The following PLCB1 variants were observed in gnomAD, a reference collection of about 807,000 sequenced individuals.
PLCB1 encodes 1-phosphatidylinositol 4,5-bisphosphate phosphodiesterase beta-1.
In PLCB1, 46 loss-of-function variants were observed where a neutral mutation model predicts 161.8. The observed-to-expected ratio is 0.28, with a 90% CI of 0.22 to 0.36. The LOEUF is 0.36. Among genes scored for constraint, PLCB1 ranks in the 10% least tolerant of loss-of-function variants. The pLI is 1.00. For synonymous variants in PLCB1, 517 were observed against 503.7 expected (o/e 1.03, Z -0.35); for missense variants, 1,016 against 1,472.5 (o/e 0.69, Z 5.07).
chr20:8,509,503 T>G (rs970316764), intron 3 of PLCB1, among the ~76,000 whole-genome samples: 5 of 152,206 alleles, frequency 3.3e-5, no homozygotes, highest in African/African-American at 9.6e-5. Flanking sequence ...TTCATCAAAC[T>G]GTATTCTTCT....
At chr20:8,464,665 G>T (rs529588080) in intron 3 of PLCB1, among the ~76,000 whole-genome samples, 1 of 152,268 alleles carries the variant, frequency 6.6e-6, no homozygotes, top group East Asian at 1.9e-4. Context: ...TCATAGCTGT[G>T]TAGAGATAAC....
In PLCB1 at chr20:8,721,117, AC is replaced by A. The variant is rs1332959723; in HGVS notation, c.1514-1236del. On this transcript the variant is annotated intron_variant, in intron 14 of 31. Coordinates refer to ENST00000338037, the MANE Select transcript of PLCB1 (RefSeq NM_015192.4). Reference sequence around the variant, plus strand: ...TTTCCCCTGGAGATTTTTAAGCAATACTTTTTTCACTACTGTCATTCAGTAA... The same window carrying A: ...TTTCCCCTGGAGATTTTTAAGCAATATTTTTTCACTACTGTCATTCAGTAA... Among the ~76,000 whole-genome samples, 9 of 152,200 alleles carry A rather than the reference AC, an allele frequency of 5.9e-5. No individual in the cohort carries two copies. The East Asian group carries it at 1.7e-3, about 29-fold the overall frequency.
At chr20:8,201,407 T>G (rs1235954654) in intron 2 of PLCB1, among the ~76,000 whole-genome samples, 3 of 152,120 alleles carry the variant, frequency 2.0e-5, no homozygotes, top group Non-Finnish European at 4.4e-5. Context: ...AATTCTTATT[T>G]TAAAGCCAGA....
At chr20:8,465,423 T>C (rs1981774058) in intron 3 of PLCB1, among the ~76,000 whole-genome samples, 1 of 152,184 alleles carries the variant, frequency 6.6e-6, no homozygotes, top group Non-Finnish European at 1.5e-5. Flanking sequence ...TCCCTTCTTG[T>C]TTTCTGAAAG....
intron 2 of PLCB1, among the ~76,000 whole-genome samples, chr20:8,356,593 C>T (rs1343579855): frequency 6.6e-6 from 1 of 152,126 alleles, no homozygotes; most frequent in Non-Finnish European, 1.5e-5. Context: ...TGCCGAAAGA[C>T]ATACAGTGCT....
At chr20:8,280,199 G>A (rs529207715) in intron 2 of PLCB1, among the ~76,000 whole-genome samples, 38 of 152,136 alleles carry the variant, frequency 2.5e-4, no homozygotes, top group Middle Eastern at 6.8e-3. Context: ...AGCTGGGCTT[G>A]GTGGCAGGAG....
At chr20:8,450,710 T>G (rs1392520523) in intron 3 of PLCB1, among the ~76,000 whole-genome samples, 2 of 152,218 alleles carry the variant, frequency 1.3e-5, no homozygotes, top group Non-Finnish European at 2.9e-5. Flanking sequence ...TATCGGTGAT[T>G]GTATACTTTG....
intron 3 of PLCB1, among the ~76,000 whole-genome samples, chr20:8,495,757 G>C (rs1040699997): frequency 6.6e-6 from 1 of 151,974 alleles, no homozygotes; most frequent in Admixed American, 6.5e-5. Context: ...AATACCCAAC[G>C]TTTTTCCTAC....
chr20:8,781,558 A>AT (rs1456994139), intron 27 of PLCB1, among the ~76,000 whole-genome samples: 1 of 151,902 alleles, frequency 6.6e-6, no homozygotes, highest in African/African-American at 2.4e-5. Flanking sequence ...GTATTACTTT[A>AT]TTGCATGAAT....
At chr20:8,645,306 AAAAAAAAT>A (rs1176958633) in intron 4 of PLCB1, among the ~76,000 whole-genome samples, 2 of 113,882 alleles carry the variant, frequency 1.8e-5, no homozygotes, top group Admixed American at 8.4e-5. Flanking sequence ...ATGATCAATA[AAAAAAAAT>A]AAAAAAAATA....
At chr20:8,758,676 A>G (rs1373340410) in intron 24 of PLCB1, among the ~76,000 whole-genome samples, 1 of 152,224 alleles carries the variant, frequency 6.6e-6, no homozygotes, top group Non-Finnish European at 1.5e-5. Flanking sequence ...TTATATACCA[A>G]ATACAAACAT....
At chr20:8,691,824 T>C (rs1990486408) in intron 10 of PLCB1, among the ~76,000 whole-genome samples, 1 of 152,022 alleles carries the variant, frequency 6.6e-6, no homozygotes, top group Non-Finnish European at 1.5e-5. Flanking sequence ...GAATGAGTGG[T>C]TTTTAATTAT....
At chr20:8,257,412 A>G (rs778458004) in intron 2 of PLCB1, among the ~76,000 whole-genome samples, 3 of 152,188 alleles carry the variant, frequency 2.0e-5, no homozygotes, top group East Asian at 1.9e-4. Context: ...AAATCAAAAT[A>G]TAACATCTGT....
At chr20:8,431,762 G>C (rs192076553) in intron 3 of PLCB1, among the ~76,000 whole-genome samples, 1 of 152,176 alleles carries the variant, frequency 6.6e-6, no homozygotes, top group East Asian at 1.9e-4. Flanking sequence ...TGGGGTCTGA[G>C]TTTTTATGTG....
At chr20:8,463,146 A>AGCGTGTGTGTGT (rs1555808931) in intron 3 of PLCB1, among the ~76,000 whole-genome samples, 2 of 144,680 alleles carry the variant, frequency 1.4e-5, no homozygotes, top group Non-Finnish European at 3.0e-5. Flanking sequence ...AGTACAGAGC[A>AGCGTGTGTGTGT]GTGTGTGTGT....
chr20:8,659,105 A>G (rs1419332920), intron 9 of PLCB1, among the ~76,000 whole-genome samples: 1 of 152,066 alleles, frequency 6.6e-6, no homozygotes, highest in Non-Finnish European at 1.5e-5. Flanking sequence ...TTAGTCTGTG[A>G]GACCCTTATC....
At chr20:8,856,151 A>G (rs1485352409) in intron 31 of PLCB1, among the ~76,000 whole-genome samples, 1 of 151,926 alleles carries the variant, frequency 6.6e-6, no homozygotes, top group African/African-American at 2.4e-5. Context: ...CCTGTTTTTT[A>G]TATTTACATG....
intron 23 of PLCB1, among the ~76,000 whole-genome samples, chr20:8,749,408 T>C (rs1981339080): frequency 1.3e-5 from 2 of 152,206 alleles, no homozygotes; most frequent in South Asian, 4.1e-4. Flanking sequence ...GGAGACACTT[T>C]TCCTGGGAAT....
At chr20:8,142,155 C>A (rs1327922042) in intron 1 of PLCB1, among the ~76,000 whole-genome samples, 1 of 152,090 alleles carries the variant, frequency 6.6e-6, no homozygotes, top group African/African-American at 2.4e-5. Flanking sequence ...GGTGCTGATG[C>A]TCAGGGGATA....
Sources: gnomAD v4.1 joint callset for allele counts (sites outside exome capture counted in the v4.1 genomes callset) on GRCh38, gnomAD v4.1.1 for gene constraint, MANE v1.5 for transcripts, NCBI Gene and HGNC (gene_info 2026-07-23, HGNC 2026-07-21) for gene names.